TXNRD1: variants seen among roughly 807,000 people sequenced by gnomAD.
TXNRD1 encodes the protein thioredoxin reductase 1, cytoplasmic.
In TXNRD1, 57 loss-of-function variants were observed where a neutral mutation model predicts 80.3. The ratio of observed to expected loss-of-function variants is 0.71; its 90% CI spans 0.57 to 0.89. TXNRD1 has a LOEUF of 0.89. Ranked by LOEUF, TXNRD1 falls within the 40% of genes least tolerant of loss-of-function variation. The pLI, the probability that TXNRD1 is intolerant of heterozygous loss-of-function variation, is 0.00. For synonymous variants in TXNRD1, 291 were observed against 285.2 expected (o/e 1.02, Z -0.20); for missense variants, 730 against 803.0 (o/e 0.91, Z 1.10).
In TXNRD1 at chr12:104,321,252, A is replaced by G; in HGVS notation, c.1151A>G (p.Asn384Ser). 1 of 1,613,984 alleles carries G rather than the reference A, an allele frequency of 6.2e-7. No individual in the cohort carries two copies. The highest frequency in any genetic ancestry group is 8.5e-7 in the Non-Finnish European group (1 of 1,179,882). The change falls in exon 10 of 17, where the codon AAC becomes AGC. Residue 384 changes from asparagine (N) to serine (S), a missense_variant. Transcript: ENST00000525566. ...LLRGFDQDMANKIGEHMEEHG... is the reference protein window; with the variant it reads ...LLRGFDQDMASKIGEHMEEHG... ...AGAGGATTTGACCAGGACATGGCCA[A>G]CAAAATTGGTGAACACATGGAAGAA... is the stretch of plus-strand genomic sequence containing the variant.
intron 1 of TXNRD1, among the ~76,000 whole-genome samples, chr12:104,238,512 ATGT>A (rs200059534): frequency 1.6e-4 from 25 of 152,088 alleles, no homozygotes; most frequent in African/African-American, 6.0e-4. Context: ...AAAAAAAAAG[ATGT>A]TGTGGGTTTT....
At chr12:104,332,026 G>A (rs562722858) in intron 14 of TXNRD1, among the ~76,000 whole-genome samples, 11 of 151,858 alleles carry the variant, frequency 7.2e-5, no homozygotes, top group East Asian at 1.9e-4. Flanking sequence ...TGACCCAATC[G>A]TATTTCCTTT....
intron 4 of TXNRD1, among the ~76,000 whole-genome samples, chr12:104,305,940 C>T (rs1016882335): frequency 6.6e-6 from 1 of 152,094 alleles, no homozygotes; most frequent in South Asian, 2.1e-4. Context: ...GAGTATCACT[C>T]TTGCCCAGGC....
chr12:104,242,354 C>A (rs1025143723), intron 1 of TXNRD1, among the ~76,000 whole-genome samples: 1 of 151,758 alleles, frequency 6.6e-6, no homozygotes, highest in Admixed American at 6.6e-5. Flanking sequence ...TCGAGACCAG[C>A]CTGGCCAAGA....
At chr12:104,267,527 C>A (rs1452470585) in intron 3 of TXNRD1, among the ~76,000 whole-genome samples, 1 of 151,308 alleles carries the variant, frequency 6.6e-6, no homozygotes, top group East Asian at 1.9e-4. Flanking sequence ...CTTTCCTTTC[C>A]TTTCCTTTCT....
At chr12:104,263,076 T>A (rs902768044) in intron 3 of TXNRD1, among the ~76,000 whole-genome samples, 2 of 152,184 alleles carry the variant, frequency 1.3e-5, no homozygotes, top group African/African-American at 4.8e-5. Flanking sequence ...AGATTGGTAT[T>A]GGAGAGAGAA....
chr12:104,320,199 A>T (rs1374473769), intron 9 of TXNRD1, among the ~76,000 whole-genome samples: 1 of 152,254 alleles, frequency 6.6e-6, no homozygotes, highest in Non-Finnish European at 1.5e-5. Context: ...GCTTTCAATT[A>T]TGAAGTCATT....
chr12:104,220,455 A>G (rs1181997561), intron 1 of TXNRD1, among the ~76,000 whole-genome samples: 1 of 151,880 alleles, frequency 6.6e-6, no homozygotes, highest in Non-Finnish European at 1.5e-5. Flanking sequence ...CAGGTGCGGT[A>G]GATCATGCCT....
intron 4 of TXNRD1, among the ~76,000 whole-genome samples, chr12:104,306,335 T>A (rs1391765915): frequency 6.6e-6 from 1 of 152,212 alleles, no homozygotes; most frequent in Non-Finnish European, 1.5e-5. Flanking sequence ...ACAACCTTAT[T>A]TGGAGATTAT....
chr12:104,238,533 T>A (rs1404989388), intron 1 of TXNRD1, among the ~76,000 whole-genome samples: 1 of 152,246 alleles, frequency 6.6e-6, no homozygotes, highest in Non-Finnish European at 1.5e-5. Context: ...TTTTCATAGA[T>A]GACCTTTATC....
intron 6 of TXNRD1, among the ~76,000 whole-genome samples, chr12:104,314,738 CTTTTTTTT>C (rs11330431): frequency 1.9e-5 from 2 of 103,668 alleles, no homozygotes; most frequent in African/African-American, 4.1e-5. Flanking sequence ...AAATTTTTTT[CTTTTTTTT>C]TTTTTTTTTT....
Position 104,215,850 on chromosome 12 carries a change from G to T in TXNRD1, c.48G>T (p.Glu16Asp). ...GKAVAAAAPTELQTKGKNGDG... is the reference protein window; with the variant it reads ...GKAVAAAAPTDLQTKGKNGDG... ...CAGTGGCGGCGGCCGCCCCAACGGAGCTGCAGACGAAAGGCAAGAACGGCG... is the reference window on the plus strand; with the variant it reads ...CAGTGGCGGCGGCCGCCCCAACGGATCTGCAGACGAAAGGCAAGAACGGCG... Residue 16 changes from glutamate to aspartate, a missense_variant, in exon 1 of 17, where the codon GAG becomes GAT. Glu to Asp is a conservative substitution (Grantham distance 45). Coordinates refer to ENST00000525566, the MANE Select transcript of TXNRD1 (RefSeq NM_001093771.3). 6.4e-7 allele frequency: 1 copy of T among 1,560,636 alleles called. No individual in the cohort carries two copies. The highest frequency in any genetic ancestry group is 8.7e-7 in the Non-Finnish European group (1 of 1,153,526).
rs1439471871 is a variant in TXNRD1 at position 104,258,088 on chromosome 12, CT to C, written c.304+10del. The C allele has an allele frequency of 6.5e-7, 1 of 1,533,468 alleles. No homozygotes were observed. Among genetic ancestry groups the C allele is most frequent in the South Asian group, 1.2e-5 (1 of 82,748 alleles). The allele number at this position is 1,533,468 out of a possible 1,614,324, so 95.0% of individuals were successfully genotyped here. On this transcript the variant is annotated intron_variant, in intron 3 of 16. Transcript: ENST00000525566. ...TGAACTTGATCAAACAGGTAAGTTT[CT>C]GTTTAATATGTAAATCATAGCTGCT...
chr12:104,229,224 T>C (rs1255381863), intron 1 of TXNRD1, among the ~76,000 whole-genome samples: 1 of 149,980 alleles, frequency 6.7e-6, no homozygotes, highest in Non-Finnish European at 1.5e-5. Context: ...CTTGGCTCAT[T>C]GCAACTTCTA....
At chr12:104,269,858 C>T (rs772941989) in intron 3 of TXNRD1, among the ~76,000 whole-genome samples, 15 of 151,974 alleles carry the variant, frequency 9.9e-5, no homozygotes, top group Admixed American at 6.6e-4. Flanking sequence ...TGTGAGCCCC[C>T]GCGCCCAGCC....
At chr12:104,346,223 G>A (rs985606029) in intron 16 of TXNRD1, 1 of 219,654 alleles carries the variant, frequency 4.6e-6, no homozygotes, top group African/African-American at 2.3e-5. Context: ...ATGTTGCCCA[G>A]GCTGGTCTCA....
intron 4 of TXNRD1, among the ~76,000 whole-genome samples, chr12:104,311,084 G>A (rs894122061): frequency 1.6e-4 from 24 of 152,188 alleles, no homozygotes; most frequent in Non-Finnish European, 2.9e-4. Context: ...AGCAGTGACC[G>A]TCTTTGGGGT....
rs530780671 is a variant in TXNRD1, at chr12:104,291,779, G to C, written c.414+2739G>C. 2.2e-4 allele frequency among the ~76,000 whole-genome samples: 34 copies of C among 152,290 alleles called. 1 individual carries two copies. The East Asian group carries it at 6.4e-3, about 29-fold the overall frequency. ...TTATGGGCGTGAGCCACCGGGCCCAGCCCTATTTTTGTTTTTTAATGAGTG... is the reference window on the plus strand; with the variant it reads ...TTATGGGCGTGAGCCACCGGGCCCACCCCTATTTTTGTTTTTTAATGAGTG... On this transcript the variant is annotated intron_variant, in intron 4 of 16. Coordinates refer to ENST00000525566, the MANE Select transcript of TXNRD1 (RefSeq NM_001093771.3).
chr12:104,308,668 C>T (rs890160744), intron 4 of TXNRD1, among the ~76,000 whole-genome samples: 6 of 152,200 alleles, frequency 3.9e-5, no homozygotes, highest in African/African-American at 1.2e-4. Context: ...TTGAGAACCT[C>T]TGTAGCAGCC....
Sources: allele counts gnomAD v4.1 joint callset (sites outside exome capture counted in the v4.1 genomes callset), GRCh38; gene constraint gnomAD v4.1.1; transcripts MANE v1.5; gene names NCBI Gene and HGNC (gene_info 2026-07-23, HGNC 2026-07-21).